Variants in INPP4B observed in about 807,000 individuals in gnomAD.
INPP4B encodes the protein inositol polyphosphate 4-phosphatase type II.
Under a neutral mutation model 122.5 loss-of-function variants are expected in INPP4B, and 55 were observed. The ratio of observed to expected loss-of-function variants is 0.45; its 90% confidence interval spans 0.36 to 0.56. The LOEUF (loss-of-function observed/expected upper bound fraction) is 0.56, where lower values mean the gene tolerates loss of function less well. Ranked by LOEUF, INPP4B falls within the 20% of genes least tolerant of loss-of-function variation. The pLI is 0.00. For synonymous variants in INPP4B, 403 were observed against 388.7 expected (o/e 1.04, Z -0.43); for missense variants, 1,000 against 1,097.7 (o/e 0.91, Z 1.26).
chr4:142,641,221 A>C (rs1750337119), intron 2 of INPP4B, among the ~76,000 whole-genome samples: 3 of 152,142 alleles, frequency 2.0e-5, no homozygotes, highest in Admixed American at 6.6e-5. Context: ...AATGTGGTCT[A>C]TTCATACAAG....
intron 1 of INPP4B, among the ~76,000 whole-genome samples, chr4:142,756,968 G>T (rs1770601960): frequency 6.6e-6 from 1 of 152,068 alleles, no homozygotes; most frequent in Non-Finnish European, 1.5e-5. Context: ...CCCAAATCTG[G>T]TACATAATGA....
chr4:142,368,308 T>A (rs919041443), intron 7 of INPP4B, among the ~76,000 whole-genome samples: 10 of 152,074 alleles, frequency 6.6e-5, no homozygotes, highest in South Asian at 6.2e-4. Flanking sequence ...TGTATTTTTT[T>A]AAAAAAATAG....
Position 142,725,850 on chromosome 4 carries a change from T to A in INPP4B, c.-202A>T. 2.5e-6 allele frequency: 1 copy of A among 398,054 alleles called. No homozygotes were observed. Among genetic ancestry groups the A allele is most frequent in the Non-Finnish European group, 4.4e-6 (1 of 225,686 alleles). The allele number at this position is 398,054 out of a possible 1,614,324, so 24.7% of individuals were successfully genotyped here. Reference sequence around the variant, plus strand: ...AAAATAAGCATTACCTTTGTCTAATTTTTCATAAAAGACAGAAGACCTCTT... The same window carrying A: ...AAAATAAGCATTACCTTTGTCTAATATTTCATAAAAGACAGAAGACCTCTT... On this transcript the variant is annotated 5_prime_UTR_variant, in exon 2 of 26. Transcript: ENST00000262992.
chr4:142,684,628 T>TA (rs1227467345), intron 2 of INPP4B, among the ~76,000 whole-genome samples: 1 of 151,932 alleles, frequency 6.6e-6, no homozygotes, highest in Non-Finnish European at 1.5e-5. Flanking sequence ...AATTTAAAAA[T>TA]AAAAAAGCCA....
At chr4:142,461,564 A>G (rs145348781) in intron 3 of INPP4B, among the ~76,000 whole-genome samples, 8 of 152,264 alleles carry the variant, frequency 5.3e-5, no homozygotes, top group African/African-American at 1.9e-4. Context: ...AAAAAAATAA[A>G]CCAATGAAGC....
At chr4:142,782,493 T>C (rs1022079140) in intron 1 of INPP4B, among the ~76,000 whole-genome samples, 1 of 151,976 alleles carries the variant, frequency 6.6e-6, no homozygotes, top group African/African-American at 2.4e-5. Flanking sequence ...TTTGGGTATA[T>C]ACCCAGTAAT....
intron 25 of INPP4B, among the ~76,000 whole-genome samples, chr4:142,048,535 TAA>T (rs1752786912): frequency 6.6e-6 from 1 of 151,564 alleles, no homozygotes; most frequent in South Asian, 2.1e-4. Context: ...GAAAAAGAAA[TAA>T]AGAGAGGCAA....
intron 2 of INPP4B, among the ~76,000 whole-genome samples, chr4:142,607,616 G>A (rs1741544468): frequency 6.6e-6 from 1 of 152,010 alleles, no homozygotes; most frequent in Non-Finnish European, 1.5e-5. Flanking sequence ...AGATGTCTAT[G>A]TACAAAACAA....
chr4:142,154,594 C>A (rs1056333116), intron 17 of INPP4B, among the ~76,000 whole-genome samples: 4 of 151,862 alleles, frequency 2.6e-5, no homozygotes, highest in Non-Finnish European at 4.4e-5. Context: ...AAGTAAGAAC[C>A]AAGAAGAGAA....
chr4:142,433,425 C>A (rs1809763447), intron 3 of INPP4B, among the ~76,000 whole-genome samples: 1 of 152,116 alleles, frequency 6.6e-6, no homozygotes, highest in Non-Finnish European at 1.5e-5. Context: ...TCATCATACT[C>A]AGAAAATACT....
At chr4:142,203,496 G>C (rs1313462575) in intron 14 of INPP4B, among the ~76,000 whole-genome samples, 3 of 151,980 alleles carry the variant, frequency 2.0e-5, no homozygotes, top group Admixed American at 2.0e-4. Flanking sequence ...AAGTATATTA[G>C]TATAAAAACT....
intron 1 of INPP4B, among the ~76,000 whole-genome samples, chr4:142,763,354 A>C (rs1771622221): frequency 7.9e-5 from 12 of 152,242 alleles, no homozygotes; most frequent in Admixed American, 7.9e-4. Context: ...GATGAAATTA[A>C]AATGGCAAAT....
At chr4:142,612,370 T>G (rs1742735965) in intron 2 of INPP4B, among the ~76,000 whole-genome samples, 1 of 152,226 alleles carries the variant, frequency 6.6e-6, no homozygotes, top group African/African-American at 2.4e-5. Flanking sequence ...ACACATAGTG[T>G]GTAGAGACTG....
intron 7 of INPP4B, among the ~76,000 whole-genome samples, chr4:142,344,205 T>C (rs148446282): frequency 9.2e-5 from 14 of 152,204 alleles, no homozygotes; most frequent in African/African-American, 3.4e-4. Context: ...ATAAGAGATA[T>C]CTTTGCACAT....
At chr4:142,165,185 G>T (rs1269614879) in intron 16 of INPP4B, among the ~76,000 whole-genome samples, 1 of 151,522 alleles carries the variant, frequency 6.6e-6, no homozygotes. Context: ...TTTTGTTGTT[G>T]TTCTTTAATT....
chr4:142,455,077 A>C (rs537959166), intron 3 of INPP4B, among the ~76,000 whole-genome samples: 1 of 152,138 alleles, frequency 6.6e-6, no homozygotes, highest in East Asian at 1.9e-4. Flanking sequence ...TGAGGTATCA[A>C]AACCTCATTA....
intron 7 of INPP4B, among the ~76,000 whole-genome samples, chr4:142,363,529 G>A (rs1363955612): frequency 1.3e-5 from 2 of 151,868 alleles, no homozygotes; most frequent in Non-Finnish European, 2.9e-5. Flanking sequence ...ATGCTTCTGA[G>A]GAGTAAATGT....
At chr4:142,806,272 C>A (rs1309395619) in intron 1 of INPP4B, among the ~76,000 whole-genome samples, 1 of 93,822 alleles carries the variant, frequency 1.1e-5, no homozygotes, top group Admixed American at 1.3e-4. Context: ...GAGTGAGACT[C>A]CGTCTCAAAA....
At chr4:142,425,704 C>T (rs1263297842) in intron 5 of INPP4B, among the ~76,000 whole-genome samples, 2 of 151,968 alleles carry the variant, frequency 1.3e-5, no homozygotes, top group South Asian at 2.1e-4. Flanking sequence ...TCGCCCAAGT[C>T]AAGTGCCTCT....
Sources: allele counts gnomAD v4.1 joint callset (sites outside exome capture counted in the v4.1 genomes callset), GRCh38; gene constraint gnomAD v4.1.1; transcripts MANE v1.5; gene names NCBI Gene and HGNC (gene_info 2026-07-23, HGNC 2026-07-21).